TCF4: variants seen among roughly 807,000 people sequenced by gnomAD.
TCF4 encodes SL3-3 enhancer factor 2.
TCF4 carries 3 observed loss-of-function variants against 82.1 expected under a neutral mutation model. The observed-to-expected ratio is 0.04, with a 90% CI of 0.02 to 0.09. The LOEUF is 0.09. Ranked by LOEUF, TCF4 falls within the 10% of genes least tolerant of loss-of-function variation. TCF4 has a pLI of 1.00. For missense variants in TCF4, 518 were observed against 852.7 expected (o/e 0.61, Z 4.89); for synonymous variants, 276 against 309.6 (o/e 0.89, Z 1.14).
chr18:55,313,446 C>T (rs1426627226), intron 8 of TCF4, among the ~76,000 whole-genome samples: 1 of 152,106 alleles, frequency 6.6e-6, no homozygotes, highest in Non-Finnish European at 1.5e-5. Flanking sequence ...CAAACTCAAA[C>T]TAGCCACTGG....
intron 15 of TCF4, among the ~76,000 whole-genome samples, chr18:55,248,513 C>T (rs2054007269): frequency 6.6e-6 from 1 of 152,192 alleles, no homozygotes; most frequent in Non-Finnish European, 1.5e-5. Flanking sequence ...TGCCCACTAC[C>T]CTCTCTTTTT....
At chr18:55,530,277 C>T (rs895497320) in intron 3 of TCF4, among the ~76,000 whole-genome samples, 9 of 152,092 alleles carry the variant, frequency 5.9e-5, no homozygotes, top group East Asian at 1.9e-4. Context: ...ATCTTGGCTC[C>T]GTGCACTTTA....
chr18:55,586,741 G>T (rs909878493), intron 2 of TCF4, among the ~76,000 whole-genome samples: 2 of 151,532 alleles, frequency 1.3e-5, no homozygotes, highest in Non-Finnish European at 2.9e-5. Context: ...TTTAGGGGTG[G>T]TTTAGTTTTA....
At chr18:55,239,900 T>C (rs1425341996) in intron 15 of TCF4, among the ~76,000 whole-genome samples, 1 of 152,220 alleles carries the variant, frequency 6.6e-6, no homozygotes, top group Non-Finnish European at 1.5e-5. Flanking sequence ...AATTATTCTG[T>C]TGTATTTAAG....
At chr18:55,512,006 T>C (rs1297357774) in intron 3 of TCF4, among the ~76,000 whole-genome samples, 1 of 152,132 alleles carries the variant, frequency 6.6e-6, no homozygotes, top group Non-Finnish European at 1.5e-5. Context: ...ATAAGAATCA[T>C]GAACATGAAA....
intron 2 of TCF4, among the ~76,000 whole-genome samples, chr18:55,629,372 A>C (rs2097729504): frequency 6.6e-6 from 1 of 152,214 alleles, no homozygotes; most frequent in Non-Finnish European, 1.5e-5. Flanking sequence ...ATGACGAATG[A>C]AAGTTAACTA....
intron 3 of TCF4, among the ~76,000 whole-genome samples, chr18:55,545,244 A>T (rs2097196063): frequency 6.6e-6 from 1 of 152,188 alleles, no homozygotes; most frequent in African/African-American, 2.4e-5. Context: ...AAAAAATGCC[A>T]CTTAGTATTC....
intron 2 of TCF4, among the ~76,000 whole-genome samples, chr18:55,606,257 C>G (rs1217485111): frequency 6.6e-6 from 1 of 152,138 alleles, no homozygotes; most frequent in Non-Finnish European, 1.5e-5. Context: ...CACACACTTT[C>G]TTCCTTTGTC....
At chr18:55,472,286 A>G (rs1481205841) in intron 3 of TCF4, among the ~76,000 whole-genome samples, 1 of 152,212 alleles carries the variant, frequency 6.6e-6, no homozygotes, top group African/African-American at 2.4e-5. Flanking sequence ...AAACTCAGAA[A>G]TCTTTTTGAA....
At position 55,492,628 on chromosome 18, in the gene TCF4, A is replaced by G. The variant is rs556481471; in HGVS notation, c.146-28491T>C. On this transcript the variant is annotated intron_variant, in intron 3 of 19. Coordinates refer to ENST00000354452, the MANE Select transcript of TCF4 (RefSeq NM_001083962.2). The stretch of plus-strand genomic sequence containing the variant: ...GTAAATTAGGCAAGCCTGCCAGGCA[A>G]GGAGACAACCAAACCTACAGCTCAA... Among the ~76,000 whole-genome samples, 26 of 152,344 alleles carry G rather than the reference A, an allele frequency of 1.7e-4. No homozygotes were observed. In the South Asian group the frequency reaches 5.2e-3, roughly 30 times the overall value.
intron 3 of TCF4, among the ~76,000 whole-genome samples, chr18:55,533,699 A>C (rs1034530930): frequency 7.9e-5 from 12 of 152,336 alleles, no homozygotes; most frequent in Admixed American, 7.2e-4. Context: ...CAATACACAA[A>C]AACAGTACAA....
intron 2 of TCF4, among the ~76,000 whole-genome samples, chr18:55,614,277 A>G (rs1447810129): frequency 6.6e-6 from 1 of 152,154 alleles, no homozygotes; most frequent in African/African-American, 2.4e-5. Context: ...ACTTAGTTAC[A>G]TATCTAGGAG....
At chr18:55,549,565 G>C (rs1353941073) in intron 3 of TCF4, among the ~76,000 whole-genome samples, 1 of 152,080 alleles carries the variant, frequency 6.6e-6, no homozygotes, top group Non-Finnish European at 1.5e-5. Flanking sequence ...GGCCTACATA[G>C]GGTCTGGGTC....
chr18:55,360,676 A>T (rs1245065758), intron 6 of TCF4, among the ~76,000 whole-genome samples: 2 of 151,906 alleles, frequency 1.3e-5, no homozygotes, highest in African/African-American at 4.8e-5. Flanking sequence ...TTTATTTATA[A>T]AAAGAAGCTG....
intron 6 of TCF4, chr18:55,351,945 A>T (rs1569143825): frequency 8.7e-6 from 7 of 803,710 alleles, no homozygotes; most frequent in Non-Finnish European, 1.1e-5. Context: ...TAAGTACTAA[A>T]AATCTAACTT....
intron 3 of TCF4, among the ~76,000 whole-genome samples, chr18:55,510,253 G>A (rs1420512852): frequency 6.6e-6 from 1 of 152,106 alleles, no homozygotes; most frequent in Non-Finnish European, 1.5e-5. Flanking sequence ...CACAGCAGAG[G>A]ATCCAGAATG....
At chr18:55,530,532 G>A (rs1238436705) in intron 3 of TCF4, among the ~76,000 whole-genome samples, 1 of 118,242 alleles carries the variant, frequency 8.5e-6, no homozygotes, top group Non-Finnish European at 1.7e-5. Context: ...TTATGCGGGG[G>A]CTCTGAAGGA....
chr18:55,480,743 C>A (rs567199668), intron 3 of TCF4, among the ~76,000 whole-genome samples: 1 of 152,306 alleles, frequency 6.6e-6, no homozygotes, highest in South Asian at 2.1e-4. Flanking sequence ...CAAACAAACC[C>A]TAGTATCACA....
In TCF4 at chr18:55,302,253, C is replaced by T. The variant is rs139454079; in HGVS notation, c.550-22597G>A. On this transcript the variant is annotated intron_variant, in intron 8 of 19. Coordinates refer to ENST00000354452, the MANE Select transcript of TCF4 (RefSeq NM_001083962.2). ...AGCAGATGAAGGTGGTAAAGTAACC[C>T]GGGCAGAGCGAATTAAAATGAAAGT... Among the ~76,000 whole-genome samples the T allele has an allele frequency of 2.8e-3, 427 of 152,286 alleles. 3 individuals carry two copies. The highest frequency in any genetic ancestry group is 9.2e-3 in the African/African-American group (384 of 41,540).
Sources: gnomAD v4.1 joint callset for allele counts (sites outside exome capture counted in the v4.1 genomes callset) on GRCh38, gnomAD v4.1.1 for gene constraint, MANE v1.5 for transcripts, NCBI Gene and HGNC (gene_info 2026-07-23, HGNC 2026-07-21) for gene names.